ARAP2: variants seen among roughly 807,000 people sequenced by gnomAD.
ARAP2 encodes arf-GAP with Rho-GAP domain, ANK repeat and PH domain-containing protein 2.
A neutral mutation model predicts 194.5 loss-of-function variants in ARAP2; 148 were observed. The observed-to-expected ratio is 0.76, with a 90% CI of 0.67 to 0.87. The LOEUF (loss-of-function observed/expected upper bound fraction) is 0.87. ARAP2 is among the 40% of genes least tolerant of loss of function. ARAP2 has a pLI of 0.00. For synonymous variants in ARAP2, 695 were observed against 683.5 expected, an observed-to-expected ratio of 1.02 and a Z score of -0.26; for missense variants, 2,128 against 1,989.7, an observed-to-expected ratio of 1.07 and a Z score of -1.32.
At chr4:36,152,738 C>T (rs1731298613) in intron 15 of ARAP2, among the ~76,000 whole-genome samples, 1 of 151,818 alleles carries the variant, frequency 6.6e-6, no homozygotes, top group African/African-American at 2.4e-5. Context: ...AGCCATGTTT[C>T]TAAAGTAGCA....
At chr4:36,050,933 A>C (rs551752815) in intron 3 of ARAP2, among the ~76,000 whole-genome samples, 31 of 152,358 alleles carry the variant, frequency 2.0e-4, no homozygotes, top group African/African-American at 7.2e-4. Context: ...TTATTTGTGG[A>C]AGTAACATTT....
At chr4:36,231,272 G>A (rs1578363869) in intron 1 of ARAP2, among the ~76,000 whole-genome samples, 1 of 152,098 alleles carries the variant, frequency 6.6e-6, no homozygotes, top group South Asian at 2.1e-4. Context: ...GGAGGCGGAG[G>A]TTGCAGTAAG....
In ARAP2 at chr4:36,166,980, C is replaced by G; in HGVS notation, c.1925G>C (p.Arg642Pro). The change falls in exon 10 of 33, where the codon CGA (arginine) becomes CCA (proline). Residue 642 changes from arginine (R) to proline (P), a missense_variant. Transcript: ENST00000303965. ...MNVANVKQVD[R>P]TVKQSFEIIT... Reference sequence around the variant, plus strand: ...TATTTCAAAAGATTGTTTCACAGTTCGGTCCACTTGCTTTACATTTGCTAC... The same window carrying G: ...TATTTCAAAAGATTGTTTCACAGTTGGGTCCACTTGCTTTACATTTGCTAC... 6.2e-7 allele frequency: 1 copy of G among 1,608,850 alleles called. No individual in the cohort carries two copies. Among genetic ancestry groups the G allele is most frequent in the East Asian group, 2.2e-5 (1 of 44,684 alleles).
chr4:36,160,410 A>C lies in ARAP2; in HGVS notation c.2442+49T>G, dbSNP rs369073218. The stretch of plus-strand genomic sequence containing the variant: ...TTTTTCTCAAGAATCTTGGCACATC[A>C]TTAAAAAGACATTAAAATCCACGTC... On this transcript the variant is annotated intron_variant, in intron 13 of 32. Coordinates refer to ENST00000303965, the MANE Select transcript of ARAP2 (RefSeq NM_015230.4). 10 of 1,416,726 alleles carry C rather than the reference A, an allele frequency of 7.1e-6. No individual in the cohort carries two copies. The African/African-American group carries it at 1.2e-4, about 17-fold the overall frequency. 87.8% of individuals were successfully genotyped at this position (1,416,726 alleles called of 1,614,324 possible). A position where few individuals can be genotyped will look rare whatever the true frequency, so the allele number is the denominator to read the frequency against.
At chr4:36,041,062 G>A (rs535787756) in intron 5 of ARAP2, among the ~76,000 whole-genome samples, 9 of 152,046 alleles carry the variant, frequency 5.9e-5, no homozygotes, top group Admixed American at 3.9e-4. Context: ...GAATTTTATG[G>A]AAAGCCTGCA....
intron 6 of ARAP2, among the ~76,000 whole-genome samples, chr4:36,017,506 G>A (rs1002403802): frequency 7.6e-6 from 1 of 132,170 alleles, no homozygotes; most frequent in African/African-American, 2.9e-5. Flanking sequence ...ACAAAAAATG[G>A]TGATCAGAGA....
chr4:36,063,302 C>T (rs1383844601), downstream of ARAP2, among the ~76,000 whole-genome samples: 2 of 151,762 alleles, frequency 1.3e-5, no homozygotes, highest in African/African-American at 4.8e-5. Context: ...ACACTGGGGC[C>T]TGTCAGGAGG....
chr4:36,170,493 C>A (rs1192142496), intron 9 of ARAP2, among the ~76,000 whole-genome samples: 1 of 152,140 alleles, frequency 6.6e-6, no homozygotes, highest in Admixed American at 6.5e-5. Context: ...CATACAAAAA[C>A]CAAAAACCAT....
At chr4:36,014,287 A>AGG (rs1715227186) in intron 8 of ARAP2, among the ~76,000 whole-genome samples, 1 of 146,386 alleles carries the variant, frequency 6.8e-6, no homozygotes, top group African/African-American at 2.6e-5. Flanking sequence ...GAAAGAAAGA[A>AGG]AGAAAGAAAG....
chr4:36,127,427 T>A (rs940066834), intron 21 of ARAP2, among the ~76,000 whole-genome samples: 2 of 152,042 alleles, frequency 1.3e-5, no homozygotes, highest in African/African-American at 4.8e-5. Context: ...TTATTTTCAT[T>A]ATAATACTAC....
intron 2 of ARAP2, among the ~76,000 whole-genome samples, chr4:36,224,901 T>C (rs897539853): frequency 1.3e-5 from 2 of 152,218 alleles, no homozygotes; most frequent in Non-Finnish European, 2.9e-5. Flanking sequence ...GTATATTTCT[T>C]ATTCAGTGCA....
chr4:36,012,019 T>A (rs1714665339), intron 9 of ARAP2, among the ~76,000 whole-genome samples: 1 of 152,180 alleles, frequency 6.6e-6, no homozygotes, highest in Non-Finnish European at 1.5e-5. Context: ...CATTGTGGAA[T>A]GATCATAAAG....
intron 9 of ARAP2, among the ~76,000 whole-genome samples, chr4:36,171,422 A>G (rs1043117475): frequency 3.3e-5 from 5 of 152,170 alleles, no homozygotes; most frequent in Non-Finnish European, 7.4e-5. Context: ...TCGCAAGGAC[A>G]AAAAACCAAA....
In ARAP2 at chr4:36,067,886, G is replaced by C. The variant is rs1443015222; in HGVS notation, c.*21C>G. The C allele has an allele frequency of 1.3e-6, 2 of 1,539,902 alleles. No homozygotes were observed. The highest frequency in any genetic ancestry group is 2.5e-5 in the South Asian group (2 of 78,976). On this transcript the variant is annotated 3_prime_UTR_variant, in exon 33 of 33. Transcript: ENST00000303965. The stretch of plus-strand genomic sequence containing the variant: ...CATACAATATTAAAAAAATAATCTG[G>C]GGAGCAATTCATTTTATTTCCTACT...
At chr4:36,022,173 A>G (rs1321737260) in intron 5 of ARAP2, among the ~76,000 whole-genome samples, 1 of 152,196 alleles carries the variant, frequency 6.6e-6, no homozygotes, top group Non-Finnish European at 1.5e-5. Flanking sequence ...TATGTGATGC[A>G]TGACTATAGT....
chr4:36,128,432 A>T, intron 21 of ARAP2, 101 bp downstream of exon 21: 1 of 857,092 alleles, frequency 1.2e-6, no homozygotes, highest in Non-Finnish European at 1.8e-6. Context: ...AAAGATGTTT[A>T]AAGTCTAAGT....
At chr4:36,181,793 T>C (rs1739322646) in intron 8 of ARAP2, among the ~76,000 whole-genome samples, 3 of 152,168 alleles carry the variant, frequency 2.0e-5, no homozygotes, top group South Asian at 2.1e-4. Context: ...GTTTACACTC[T>C]AGTGAAAGGA....
intron 2 of ARAP2, among the ~76,000 whole-genome samples, chr4:36,215,867 C>T (rs1182957270): frequency 1.3e-5 from 2 of 149,902 alleles, no homozygotes; most frequent in African/African-American, 4.9e-5. Context: ...AAAACAAAAA[C>T]AAAGCACACA....
At chr4:36,096,362 C>CAAAAAAAAAAAA (rs10632831) in intron 27 of ARAP2, among the ~76,000 whole-genome samples, 7 of 80,960 alleles carry the variant, frequency 8.6e-5, no homozygotes, top group African/African-American at 3.4e-4. Context: ...GAGACTCTCT[C>CAAAAAAAAAAAA]AAAAAAAAAA....
Sources: gnomAD v4.1 joint callset for allele counts (sites outside exome capture counted in the v4.1 genomes callset) on GRCh38, gnomAD v4.1.1 for gene constraint, MANE v1.5 for transcripts, NCBI Gene and HGNC (gene_info 2026-07-23, HGNC 2026-07-21) for gene names.